Variants in MAST2 observed in about 807,000 individuals in gnomAD.
MAST2 encodes the protein microtubule associated serine/threonine kinase 2, also known as microtubule-associated serine/threonine-protein kinase 2.
A neutral mutation model predicts 147.4 loss-of-function variants in MAST2; 70 were observed. The ratio of observed to expected loss-of-function variants is 0.47; its 90% confidence interval spans 0.39 to 0.58. The LOEUF (loss-of-function observed/expected upper bound fraction) is 0.58. MAST2 is among the 20% of genes least tolerant of loss of function. The pLI, the probability that MAST2 is intolerant of heterozygous loss-of-function variation, is 0.00. For missense variants in MAST2, 2,080 were observed against 2,302.3 expected (o/e 0.90, Z 1.98); for synonymous variants, 869 against 896.8 (o/e 0.97, Z 0.55).
intron 4 of MAST2, among the ~76,000 whole-genome samples, chr1:45,904,860 T>A (rs549257289): frequency 2.5e-3 from 385 of 152,228 alleles, no homozygotes; most frequent in Non-Finnish European, 4.3e-3. Context: ...CAGGCTGGAG[T>A]GTAGTGGTGT....
At chr1:45,988,690 GTATT>G (rs951461976) in intron 5 of MAST2, among the ~76,000 whole-genome samples, 6 of 152,096 alleles carry the variant, frequency 3.9e-5, no homozygotes, top group African/African-American at 1.4e-4. Context: ...GAACTAATAG[GTATT>G]TATTATCTAG....
intron 4 of MAST2, among the ~76,000 whole-genome samples, chr1:45,898,726 A>T (rs1422827836): frequency 6.6e-6 from 1 of 152,186 alleles, no homozygotes; most frequent in Non-Finnish European, 1.5e-5. Flanking sequence ...GTTGCTGAGA[A>T]ACAGAACAGT....
At position 46,033,939 on chromosome 1, in the gene MAST2, G is replaced by A. The variant is rs1646785459; in HGVS notation, c.3674+1G>A. The stretch of plus-strand genomic sequence containing the variant: ...GCCGCGGCAAGGATGGGCAAGAAAG[G>A]TGAGCCAGGCGCAGTGAAGAGGGTT... On this transcript the variant is annotated splice_donor_variant, in intron 27 of 28. Transcript: ENST00000361297. LOFTEE classifies it high-confidence loss of function. The A allele has an allele frequency of 5.0e-6, 8 of 1,614,040 alleles. No homozygotes were observed. Among genetic ancestry groups the A allele is most frequent in the African/African-American group, 1.3e-5 (1 of 75,046 alleles).
At chr1:45,912,917 C>G (rs1557897746) in intron 4 of MAST2, among the ~76,000 whole-genome samples, 2 of 152,180 alleles carry the variant, frequency 1.3e-5, no homozygotes, top group South Asian at 2.1e-4. Flanking sequence ...TCACCACAAC[C>G]TATATATTAG....
At chr1:46,027,485 C>G (rs769635369) in intron 16 of MAST2, among the ~76,000 whole-genome samples, 1 of 152,182 alleles carries the variant, frequency 6.6e-6, no homozygotes, top group Non-Finnish European at 1.5e-5. Flanking sequence ...ACAGTTAGGG[C>G]AATAAGCAGA....
At chr1:45,860,440 A>G (rs1645941859) in intron 3 of MAST2, among the ~76,000 whole-genome samples, 1 of 151,782 alleles carries the variant, frequency 6.6e-6, no homozygotes, top group Admixed American at 6.6e-5. Context: ...ATGACCCATT[A>G]GGGTAATTTT....
intron 5 of MAST2, among the ~76,000 whole-genome samples, chr1:45,987,549 C>T (rs1557430050): frequency 6.6e-6 from 1 of 152,058 alleles, no homozygotes; most frequent in Non-Finnish European, 1.5e-5. Context: ...TGGATTCGAG[C>T]AATCCTCTTG....
chr1:45,888,844 C>G (rs1026254459), intron 4 of MAST2, among the ~76,000 whole-genome samples: 20 of 151,538 alleles, frequency 1.3e-4, no homozygotes, highest in African/African-American at 4.6e-4. Context: ...CCACGCCTGG[C>G]TAATTTTTTG....
At chr1:45,977,800 CA>C (rs11441101) in intron 5 of MAST2, among the ~76,000 whole-genome samples, 24 of 132,876 alleles carry the variant, frequency 1.8e-4, no homozygotes, top group Admixed American at 2.3e-4. Flanking sequence ...ACTCTTGTCT[CA>C]AAAAAAAAAA....
chr1:46,002,983 A>T (rs1645335564), intron 7 of MAST2, 100 bp downstream of exon 7: 3 of 1,198,612 alleles, frequency 2.5e-6, no homozygotes, highest in African/African-American at 1.5e-5. Context: ...TTTTCTCCAA[A>T]GTCAAACTCA....
chr1:45,947,795 C>T (rs993406930), intron 4 of MAST2, among the ~76,000 whole-genome samples: 6 of 152,224 alleles, frequency 3.9e-5, no homozygotes, highest in African/African-American at 9.6e-5. Flanking sequence ...CGGCCCACTG[C>T]AAGCTCCACC....
At chr1:45,976,843 G>A (rs1644179517) in intron 5 of MAST2, among the ~76,000 whole-genome samples, 1 of 152,192 alleles carries the variant, frequency 6.6e-6, no homozygotes, top group African/African-American at 2.4e-5. Flanking sequence ...AGTGATTAAT[G>A]CCATGTGTTG....
intron 4 of MAST2, among the ~76,000 whole-genome samples, chr1:45,930,491 TCATTCATTCATA>T (rs1364579214): frequency 6.6e-6 from 1 of 152,094 alleles, no homozygotes; most frequent in Non-Finnish European, 1.5e-5. Context: ...ATTCATTCAT[TCATTCATTCATA>T]CATTCAACTG....
rs1046537010 is a variant in MAST2 at position 45,898,517 on chromosome 1, G to T, written c.500+16122G>T. On this transcript the variant is annotated intron_variant, in intron 4 of 28. Coordinates refer to ENST00000361297, the MANE Select transcript of MAST2 (RefSeq NM_015112.3). ...CAATATCTTCCGTTCTGTTTTTTTTGTTGTTGTTGTTTTTGTTTTTACTCT... is the reference window on the plus strand; with the variant it reads ...CAATATCTTCCGTTCTGTTTTTTTTTTTGTTGTTGTTTTTGTTTTTACTCT... Among the ~76,000 whole-genome samples the T allele has an allele frequency of 1.6e-4, 25 of 152,028 alleles. No individual in the cohort carries two copies. In the East Asian group the frequency reaches 1.7e-3, roughly 11 times the overall value.
chr1:45,974,056 G>T (rs916026021), intron 5 of MAST2, among the ~76,000 whole-genome samples: 4 of 152,192 alleles, frequency 2.6e-5, no homozygotes, highest in Non-Finnish European at 5.9e-5. Flanking sequence ...AAGTAACAGT[G>T]TCTATGTACA....
chr1:45,883,911 T>TTCCC (rs1491218010), intron 4 of MAST2, among the ~76,000 whole-genome samples: 1 of 484 alleles, frequency 2.1e-3, no homozygotes. Flanking sequence ...CTACTATTTC[T>TTCCC]GCCCCCCCCG....
At chr1:45,910,112 GTT>G (rs57335268) in intron 4 of MAST2, among the ~76,000 whole-genome samples, 4 of 141,244 alleles carry the variant, frequency 2.8e-5, no homozygotes, top group African/African-American at 1.0e-4. Context: ...GTGTGCAGTT[GTT>G]TTTTTTTTTT....
chr1:45,851,885 G>A (rs1452214811), intron 3 of MAST2, among the ~76,000 whole-genome samples: 1 of 152,030 alleles, frequency 6.6e-6, no homozygotes, highest in Non-Finnish European at 1.5e-5. Flanking sequence ...ATGTGTTGGG[G>A]CATTTTGGGA....
chr1:45,951,100 G>A (rs1658864923), intron 4 of MAST2, among the ~76,000 whole-genome samples: 1 of 151,518 alleles, frequency 6.6e-6, no homozygotes, highest in African/African-American at 2.4e-5. Flanking sequence ...GTGCATGCTT[G>A]TTTTCTCAGC....
Sources: gnomAD v4.1 joint callset for allele counts (sites outside exome capture counted in the v4.1 genomes callset) on GRCh38, gnomAD v4.1.1 for gene constraint, MANE v1.5 for transcripts, NCBI Gene and HGNC (gene_info 2026-07-23, HGNC 2026-07-21) for gene names.